Variants in CLK4 observed in about 807,000 individuals in gnomAD.
The protein encoded by CLK4 is dual specificity protein kinase CLK4.
Under a neutral mutation model 64.4 loss-of-function variants are expected in CLK4, and 37 were observed. The ratio of observed to expected loss-of-function variants is 0.57; its 90% CI spans 0.44 to 0.76. The LOEUF is 0.76. Ranked by LOEUF, CLK4 falls within the 30% of genes least tolerant of loss-of-function variation. CLK4 has a pLI of 0.00. For synonymous variants in CLK4, 175 were observed against 191.6 expected, an observed-to-expected ratio of 0.91 and a Z score of 0.72; for missense variants, 457 against 605.1, an observed-to-expected ratio of 0.76 and a Z score of 2.57.
chr5:178,607,252 C>A (rs1312622046), intron 10 of CLK4, among the ~76,000 whole-genome samples: 2 of 151,984 alleles, frequency 1.3e-5, no homozygotes, highest in South Asian at 2.1e-4. Flanking sequence ...CAATACCTTG[C>A]GAAGTCTTTT....
In CLK4 at chr5:178,623,302, CTT is replaced by C; in HGVS notation, c.113_114del (p.Gln38ArgfsTer6). 1.9e-6 allele frequency: 3 copies of C among 1,613,962 alleles called. No individual in the cohort carries two copies. Among genetic ancestry groups the C allele is most frequent in the Non-Finnish European group, 2.5e-6 (3 of 1,179,916 alleles). On this transcript the variant is annotated frameshift_variant, in exon 2 of 13. Transcript: ENST00000316308. LOFTEE classifies it high-confidence loss of function. The stretch of plus-strand genomic sequence containing the variant: ...TGATGTGGTTTACAATGCCTGTTCT[CTT>C]GTGTGCTACTATGAGATCTCCTCTT... Reference protein sequence around the residue: ...KRKRRSHSSTQENRHCKPHHQ... With the variant: ...KRKRRSHSSTXENRHCKPHHQ...
chr5:178,626,499 G>C (rs548353671), intron 1 of CLK4, among the ~76,000 whole-genome samples: 11 of 152,324 alleles, frequency 7.2e-5, no homozygotes, highest in Middle Eastern at 3.4e-3. Flanking sequence ...CTCAAGACAG[G>C]GGCAAATGCT....
rs966999514 is a variant in CLK4, at chr5:178,617,664, T to C, written c.385-230A>G. 2.3e-5 allele frequency: 8 copies of C among 346,726 alleles called. No homozygotes were observed. The highest frequency in any genetic ancestry group is 4.4e-5 in the Admixed American group (1 of 22,498). 21.5% of individuals were successfully genotyped at this position (346,726 alleles called of 1,614,324 possible). ...GCAAGGAACAGATTTTCAGATAAGA[T>C]ACTTAAAGTGGCAATAGAAAAAAAC... is the stretch of plus-strand genomic sequence containing the variant. On this transcript the variant is annotated intron_variant, in intron 3 of 12. Coordinates refer to ENST00000316308, the MANE Select transcript of CLK4 (RefSeq NM_020666.3). The surrounding 1 kb of genome is among the most constrained non-coding windows in gnomAD (Gnocchi z 5.2).
rs1367481305 is a variant in CLK4 at position 178,612,842 on chromosome 5, A to G, written c.875T>C (p.Ile292Thr). The part of the protein sequence containing the change: ...LTHTDLKPEN[I>T]LFVKSDYVVK... ...TACATAGTCAGACTTCACAAACAAA[A>G]TATTTTCAGGCTTCAGATCTGTATG... Residue 292 changes from isoleucine (I) to threonine (T), a missense_variant, in exon 8 of 13, where the codon ATT (isoleucine) becomes ACT (threonine). Transcript: ENST00000316308. 1.3e-5 allele frequency: 20 copies of G among 1,579,114 alleles called. No homozygotes were observed. The highest frequency in any genetic ancestry group is 1.7e-5 in the Non-Finnish European group (19 of 1,149,910).
chr5:178,603,583 A>C lies in CLK4; in HGVS notation c.*34T>G. On this transcript the variant is annotated 3_prime_UTR_variant, in exon 13 of 13. Coordinates refer to ENST00000316308, the MANE Select transcript of CLK4 (RefSeq NM_020666.3). ...GACACAGTCTTAAGTAATCTCTTCT[A>C]GAGAAGTATATAGTAAGACCACTGA... is the stretch of plus-strand genomic sequence containing the variant. The C allele has an allele frequency of 1.1e-5, 16 of 1,469,576 alleles. No homozygotes were observed. The highest frequency in any genetic ancestry group is 1.4e-5 in the Non-Finnish European group (15 of 1,097,272). 91.0% of individuals were successfully genotyped at this position (1,469,576 alleles called of 1,614,324 possible). A position where few individuals can be genotyped will look rare whatever the true frequency, so the allele number is the denominator to read the frequency against.
intron 1 of CLK4, among the ~76,000 whole-genome samples, chr5:178,623,785 G>A (rs1332499607): frequency 6.6e-6 from 1 of 151,974 alleles, no homozygotes; most frequent in East Asian, 1.9e-4. Context: ...AGTGTTTCCA[G>A]CAGACAAGAG....
At chr5:178,606,732 G>A (rs527830511) in intron 10 of CLK4, among the ~76,000 whole-genome samples, 1 of 152,162 alleles carries the variant, frequency 6.6e-6, no homozygotes, top group African/African-American at 2.4e-5. Flanking sequence ...GGAGGCCAAG[G>A]AGGGTAGATC....
At chr5:178,623,062 A>G (rs1246083321) in intron 2 of CLK4, 194 bp downstream of exon 2, 47 of 551,292 alleles carry the variant, frequency 8.5e-5, no homozygotes, top group Non-Finnish European at 1.3e-4. Flanking sequence ...ACAGACATAC[A>G]TAAGGATAAG....
intron 9 of CLK4, among the ~76,000 whole-genome samples, chr5:178,609,834 G>A (rs1035190721): frequency 1.3e-5 from 2 of 150,588 alleles, no homozygotes; most frequent in Non-Finnish European, 3.0e-5. Context: ...GCTTGAACCC[G>A]GGAGGCAGAG....
chr5:178,617,486 G>C lies in CLK4; in HGVS notation c.385-52C>G, dbSNP rs1469250376. On this transcript the variant is annotated intron_variant, in intron 3 of 12. Coordinates refer to ENST00000316308, the MANE Select transcript of CLK4 (RefSeq NM_020666.3). The surrounding 1 kb of genome is among the most constrained non-coding windows in gnomAD (Gnocchi z 5.2). ...GATCGTCCAGCCAATCAATATATCA[G>C]AGTGAATTCAGGGCAGAATACGCAA... The C allele has an allele frequency of 2.7e-6, 4 of 1,490,520 alleles. No individual in the cohort carries two copies. The highest frequency in any genetic ancestry group is 1.7e-5 in the Admixed American group (1 of 58,482). 92.3% of individuals were successfully genotyped at this position (1,490,520 alleles called of 1,614,324 possible).
Position 178,605,383 on chromosome 5 carries a change from C to A in CLK4, c.1135-1G>T. 1.3e-6 allele frequency: 2 copies of A among 1,565,152 alleles called. No individual in the cohort carries two copies. Among genetic ancestry groups the A allele is most frequent in the Non-Finnish European group, 1.7e-6 (2 of 1,157,282 alleles). On this transcript the variant is annotated splice_acceptor_variant, in intron 10 of 12. Transcript: ENST00000316308. LOFTEE classifies it high-confidence loss of function. ...CCAGGTGCTCTTTACTATCATGAGT[C>A]TAAAACATGTAAGAAAAAGAAATTT...
chr5:178,622,471 G>A (rs1207002851), intron 2 of CLK4: 8 of 979,594 alleles, frequency 8.2e-6, no homozygotes, highest in African/African-American at 1.7e-5. Context: ...TGCACAAAAC[G>A]AGAAAACAGA....
At position 178,616,917 on chromosome 5, in the gene CLK4, G is replaced by C. The variant is rs138880229; in HGVS notation, c.507C>G (p.Ala169=). The change falls in exon 5 of 13, where the codon GCC becomes GCG. Residue 169 remains alanine (A), a synonymous_variant. Transcript: ENST00000316308. ...CAATGCACTCTACAACTTTGCCAAAGGCTCCTTCACCCAAAGTGTCCACGA... is the reference window on the plus strand; with the variant it reads ...CAATGCACTCTACAACTTTGCCAAACGCTCCTTCACCCAAAGTGTCCACGA... ...YEIVDTLGEG[A]FGKVVECIDH... 41 of 1,613,952 alleles carry C rather than the reference G, an allele frequency of 2.5e-5. No homozygotes were observed. The highest frequency in any genetic ancestry group is 3.3e-5 in the Non-Finnish European group (39 of 1,179,814).
At chr5:178,608,528 C>A in intron 9 of CLK4, 70 bp from the exon 10 acceptor site, 1 of 1,110,620 alleles carries the variant, frequency 9.0e-7, no homozygotes, top group South Asian at 1.4e-5. Context: ...AAATCCTTCC[C>A]TATATGAGTG....
intron 2 of CLK4, chr5:178,620,684 T>A: frequency 5.6e-6 from 2 of 359,490 alleles, no homozygotes; most frequent in Non-Finnish European, 1.1e-5. Flanking sequence ...CTGTGGGAGA[T>A]AAAAAAAAAA....
chr5:178,624,433 A>G (rs1351878575), intron 1 of CLK4, among the ~76,000 whole-genome samples: 25 of 152,240 alleles, frequency 1.6e-4, no homozygotes, highest in Non-Finnish European at 2.8e-4. Flanking sequence ...AACTCTGAAA[A>G]AGAACTCAAC....
chr5:178,624,388 T>G, intron 1 of CLK4, among the ~76,000 whole-genome samples: 1 of 152,258 alleles, frequency 6.6e-6, no homozygotes, highest in Non-Finnish European at 1.5e-5. Context: ...GCAGTTATTC[T>G]TAACCTTAAA....
chr5:178,613,402 G>A, intron 7 of CLK4, 71 bp downstream of exon 7: 1 of 1,088,520 alleles, frequency 9.2e-7, no homozygotes, highest in Non-Finnish European at 1.2e-6. Context: ...CTGGGTGACA[G>A]AGCGAGACTC....
At chr5:178,606,822 T>A (rs963486435) in intron 10 of CLK4, among the ~76,000 whole-genome samples, 30 of 151,906 alleles carry the variant, frequency 2.0e-4, no homozygotes, top group Non-Finnish European at 3.2e-4. Flanking sequence ...TAGTGGGGTG[T>A]AGTGGCTCGT....
Sources: gnomAD v4.1 joint callset for allele counts (sites outside exome capture counted in the v4.1 genomes callset) on GRCh38, gnomAD v4.1.1 for gene constraint, Gnocchi (gnomAD v3.1) non-coding constraint, MANE v1.5 for transcripts, NCBI Gene and HGNC (gene_info 2026-07-23, HGNC 2026-07-21) for gene names.